DOCK8: variants seen among roughly 807,000 people sequenced by gnomAD.
DOCK8 encodes the protein dedicator of cytokinesis 8.
A neutral mutation model predicts 245.6 loss-of-function variants in DOCK8; 141 were observed. The observed-to-expected ratio is 0.57, with a 90% confidence interval of 0.50 to 0.66. DOCK8 has a LOEUF of 0.66. Ranked by LOEUF, DOCK8 falls within the 30% of genes least tolerant of loss-of-function variation. The pLI, the probability that DOCK8 is intolerant of heterozygous loss-of-function variation, is 0.00. For synonymous variants in DOCK8, 1,168 were observed against 970.2 expected, an observed-to-expected ratio of 1.20 and a Z score of -3.79; for missense variants, 2,965 against 2,603.4, an observed-to-expected ratio of 1.14 and a Z score of -3.02.
chr9:327,392 C>CTTTT (rs548852247), intron 8 of DOCK8, among the ~76,000 whole-genome samples: 1 of 131,796 alleles, frequency 7.6e-6, no homozygotes, highest in African/African-American at 3.0e-5. Context: ...TTTCCCTCAC[C>CTTTT]TTTTTTTTTT....
chr9:404,133 G>A (rs562637058), intron 26 of DOCK8, among the ~76,000 whole-genome samples: 2 of 151,654 alleles, frequency 1.3e-5, no homozygotes, highest in African/African-American at 4.8e-5. Flanking sequence ...AGGAGCTCAA[G>A]GTGCATCAGC....
chr9:387,284 G>T (rs778726998), intron 23 of DOCK8, among the ~76,000 whole-genome samples: 1 of 151,876 alleles, frequency 6.6e-6, no homozygotes, highest in Non-Finnish European at 1.5e-5. Flanking sequence ...TCCTACTAAA[G>T]ATACAAAAAC....
intron 4 of DOCK8, among the ~76,000 whole-genome samples, chr9:295,319 G>A (rs1030022063): frequency 1.5e-4 from 23 of 152,186 alleles, no homozygotes; most frequent in African/African-American, 5.1e-4. Flanking sequence ...GGACACGGGA[G>A]TGCCCTTTGC....
intron 1 of DOCK8, among the ~76,000 whole-genome samples, chr9:219,200 T>C (rs111929667): frequency 7.6e-4 from 116 of 152,360 alleles, no homozygotes; most frequent in African/African-American, 2.6e-3. Context: ...CTGGGTGCAC[T>C]GGCTCACGCC....
chr9:269,407 G>A (rs1219726041), intron 1 of DOCK8, among the ~76,000 whole-genome samples: 1 of 152,222 alleles, frequency 6.6e-6, no homozygotes, highest in South Asian at 2.1e-4. Context: ...TTATTGCTGA[G>A]TAATTTTCCA....
chr9:421,115 C>G, intron 32 of DOCK8, 37 bp downstream of exon 32: 1 of 1,613,132 alleles, frequency 6.2e-7, no homozygotes, highest in Non-Finnish European at 8.5e-7. Flanking sequence ...CTCTGTCAAG[C>G]AGTTTTTCAC....
intron 14 of DOCK8, among the ~76,000 whole-genome samples, chr9:341,101 G>A (rs1411237660): frequency 6.6e-6 from 1 of 152,216 alleles, no homozygotes. Flanking sequence ...ATGTGTGCCA[G>A]CAGTACAATA....
rs538800880 is a variant in DOCK8, at chr9:318,015, A to G, written c.827+887A>G. ...CTCTATAGACATGTATTAATTTTGTACTTTCATATTAAAATATTATCTACA... is the reference window on the plus strand; with the variant it reads ...CTCTATAGACATGTATTAATTTTGTGCTTTCATATTAAAATATTATCTACA... On this transcript the variant is annotated intron_variant, in intron 7 of 47. Transcript: ENST00000432829. 3.9e-5 allele frequency among the ~76,000 whole-genome samples: 6 copies of G among 152,178 alleles called. No homozygotes were observed. The South Asian group carries it at 1.0e-3, about 26-fold the overall frequency.
chr9:317,106 T>G lies in DOCK8; in HGVS notation c.805T>G (p.Leu269Val), dbSNP rs1369903444. ...CAAGGAACACCTGGGCAACAGAATA[T>G]TGGTCAAGTTGCTGACCTTGAAGTA... ...CPKEHLGNRILVKLLTLKFEI... is the reference protein window; with the variant it reads ...CPKEHLGNRIVVKLLTLKFEI... The change falls in exon 7 of 48, where the codon TTG becomes GTG. Residue 269 changes from leucine (L) to valine (V), a missense_variant. Physicochemically the swap from Leu to Val is conservative, Grantham distance 32 (BLOSUM62 1). Coordinates refer to ENST00000432829, the MANE Select transcript of DOCK8 (RefSeq NM_203447.4). The G allele has an allele frequency of 7.4e-6, 12 of 1,613,916 alleles. No individual in the cohort carries two copies. Among genetic ancestry groups the G allele is most frequent in the Non-Finnish European group, 1.0e-5 (12 of 1,179,806 alleles).
intron 46 of DOCK8, chr9:452,360 A>G (rs145457941): frequency 3.1e-4 from 100 of 317,832 alleles, no homozygotes; most frequent in African/African-American, 2.1e-3. Flanking sequence ...CACTACTTGA[A>G]CTACTAATGA....
At chr9:391,233 C>T (rs1586878413) in intron 24 of DOCK8, among the ~76,000 whole-genome samples, 1 of 152,342 alleles carries the variant, frequency 6.6e-6, no homozygotes, top group Non-Finnish European at 1.5e-5. Context: ...CCCAAGAGGC[C>T]TTTTCTGACC....
intron 37 of DOCK8, among the ~76,000 whole-genome samples, chr9:433,651 A>G (rs2056794758): frequency 6.6e-6 from 1 of 152,224 alleles, no homozygotes; most frequent in South Asian, 2.1e-4. Context: ...GGATTCAGGC[A>G]GATTTCTGGA....
At chr9:425,526 G>A (rs1371816241) in intron 33 of DOCK8, among the ~76,000 whole-genome samples, 2 of 144,186 alleles carry the variant, frequency 1.4e-5, no homozygotes, top group Admixed American at 6.9e-5. Flanking sequence ...GCGACAGAGG[G>A]AGACTCCGTC....
At chr9:356,503 C>G (rs1182594580) in intron 14 of DOCK8, among the ~76,000 whole-genome samples, 1 of 147,512 alleles carries the variant, frequency 6.8e-6, no homozygotes, top group Non-Finnish European at 1.5e-5. Flanking sequence ...GCACTCCAGC[C>G]TGGGCTACAG....
intron 6 of DOCK8, chr9:312,978 T>A (rs1280530887): frequency 2.0e-5 from 3 of 153,610 alleles, no homozygotes; most frequent in Non-Finnish European, 4.3e-5. Context: ...AAAGATATTC[T>A]ATCCATCCAT....
At chr9:344,987 G>A (rs574050445) in intron 14 of DOCK8, among the ~76,000 whole-genome samples, 84 of 152,256 alleles carry the variant, frequency 5.5e-4, no homozygotes, top group African/African-American at 1.8e-3. Context: ...AGGAGGCAGA[G>A]GTTGCAGTGA....
At chr9:307,297 A>G (rs1313397276) in intron 5 of DOCK8, among the ~76,000 whole-genome samples, 1 of 146,296 alleles carries the variant, frequency 6.8e-6, no homozygotes, top group Admixed American at 6.8e-5. Context: ...GCAGCATACT[A>G]GCAGAGAACT....
intron 28 of DOCK8, 117 bp downstream of exon 28, chr9:407,186 T>G: frequency 1.4e-6 from 2 of 1,458,988 alleles, no homozygotes; most frequent in Non-Finnish European, 1.9e-6. Context: ...TGACCAGTTC[T>G]GAGGAGTAGA....
Position 403,972 on chromosome 9 carries a change from ATATG to A in DOCK8, c.3235-944_3235-941del, listed in dbSNP as rs1314302873. On this transcript the variant is annotated intron_variant, in intron 26 of 47. Transcript: ENST00000432829. ...TATATATATATATGTATATATATATATATGTGTATATATATATATGTGTATATAT... is the reference window on the plus strand; with the variant it reads ...TATATATATATATGTATATATATATATGTATATATATATATGTGTATATAT... Among the ~76,000 whole-genome samples the A allele has an allele frequency of 3.1e-3, 221 of 71,214 alleles. 8 individuals are homozygous for A. The highest frequency in any genetic ancestry group is 0.021 in the African/African-American group (203 of 9,590). 46.7% of individuals were successfully genotyped at this position (71,214 alleles called of 152,430 possible).
Sources: gnomAD v4.1 joint callset for allele counts (sites outside exome capture counted in the v4.1 genomes callset) on GRCh38, gnomAD v4.1.1 for gene constraint, MANE v1.5 for transcripts, NCBI Gene and HGNC (gene_info 2026-07-23, HGNC 2026-07-21) for gene names.